The following AHI1 variants were observed in gnomAD, a reference collection of about 807,000 sequenced individuals.
AHI1 encodes jouberin.
In AHI1, 123 loss-of-function variants were observed where a neutral mutation model predicts 149.3. That is an observed-to-expected ratio of 0.82 (90% confidence interval 0.71 to 0.96). The LOEUF (loss-of-function observed/expected upper bound fraction) is 0.96. Among genes scored for constraint, AHI1 ranks in the 40% least tolerant of loss-of-function variants. AHI1 has a pLI of 0.00. For missense variants in AHI1, 1,439 were observed against 1,422.7 expected (o/e 1.01, Z -0.18); for synonymous variants, 475 against 459.8 (o/e 1.03, Z -0.42).
chr6:135,287,750 A>AAATG, intron 28 of AHI1, among the ~76,000 whole-genome samples: 1 of 150,800 alleles, frequency 6.6e-6, no homozygotes, highest in African/African-American at 2.5e-5. Flanking sequence ...ACAAGTATGA[A>AAATG]ACTAGGTTAG....
chr6:135,288,755 C>T (rs1562435644), intron 28 of AHI1, among the ~76,000 whole-genome samples: 1 of 151,884 alleles, frequency 6.6e-6, no homozygotes, highest in Admixed American at 6.6e-5. Flanking sequence ...CTAAATCTCT[C>T]CATGTATACT....
At chr6:135,434,629 T>C (rs1785132659) in intron 15 of AHI1, among the ~76,000 whole-genome samples, 1 of 151,904 alleles carries the variant, frequency 6.6e-6, no homozygotes, top group African/African-American at 2.4e-5. Context: ...AAAACTGAAC[T>C]GGAATCAATG....
At chr6:135,437,316 C>A (rs1481894087) in intron 15 of AHI1, among the ~76,000 whole-genome samples, 1 of 152,158 alleles carries the variant, frequency 6.6e-6, no homozygotes, top group Non-Finnish European at 1.5e-5. Flanking sequence ...ACTTACAAAT[C>A]CAAAGTCACC....
At chr6:135,297,371 G>C (rs969653915) in intron 27 of AHI1, 1 of 454,542 alleles carries the variant, frequency 2.2e-6, no homozygotes, top group African/African-American at 2.0e-5. Flanking sequence ...CTTTAAACTA[G>C]TTCTTTCCCA....
intron 12 of AHI1, among the ~76,000 whole-genome samples, chr6:135,448,070 T>C (rs1008452568): frequency 6.6e-6 from 1 of 152,208 alleles, no homozygotes; most frequent in African/African-American, 2.4e-5. Context: ...AAAATCAAAT[T>C]ATAACAAAAC....
chr6:135,398,731 T>G (rs1263124485), intron 22 of AHI1, among the ~76,000 whole-genome samples: 1 of 152,186 alleles, frequency 6.6e-6, no homozygotes, highest in Non-Finnish European at 1.5e-5. Flanking sequence ...CAGAGAAAAT[T>G]TGGTCTTGAA....
intron 5 of AHI1, among the ~76,000 whole-genome samples, chr6:135,483,032 C>G (rs1562278262): frequency 6.6e-6 from 1 of 151,032 alleles, no homozygotes. Context: ...GCTGGGACTA[C>G]AGCTGCCTGC....
At chr6:135,478,962 A>G (rs1226897457) in intron 5 of AHI1, among the ~76,000 whole-genome samples, 1 of 152,272 alleles carries the variant, frequency 6.6e-6, no homozygotes. Context: ...AGAGGGTGAA[A>G]GCCTCAAGTC....
rs778827027 is a variant in AHI1, at chr6:135,438,356, A to G, written c.2036+19T>C. The G allele has an allele frequency of 6.4e-7, 1 of 1,574,098 alleles. No individual in the cohort carries two copies. Among genetic ancestry groups the G allele is most frequent in the East Asian group, 2.3e-5 (1 of 43,926 alleles). On this transcript the variant is annotated intron_variant, in intron 15 of 28. Coordinates refer to ENST00000265602, the MANE Select transcript of AHI1 (RefSeq NM_001134831.2). ...GACAGCAAACAGCATGCACATAAGT[A>G]CTTCTCAAGGATACTAACCTGGCAG...
At chr6:135,382,928 T>TAAAAA in intron 23 of AHI1, among the ~76,000 whole-genome samples, 1 of 19,838 alleles carries the variant, frequency 5.0e-5, no homozygotes, top group East Asian at 2.1e-3. Flanking sequence ...AAAAAAAAAA[T>TAAAAA]ATATATATAT....
intron 24 of AHI1, among the ~76,000 whole-genome samples, chr6:135,352,631 A>G (rs1288886946): frequency 6.6e-6 from 1 of 151,620 alleles, no homozygotes; most frequent in Non-Finnish European, 1.5e-5. Flanking sequence ...CATTTCATAT[A>G]TTAGGATTTA....
intron 13 of AHI1, among the ~76,000 whole-genome samples, chr6:135,443,903 C>A (rs975242299): frequency 6.6e-6 from 1 of 152,112 alleles, no homozygotes; most frequent in Non-Finnish European, 1.5e-5. Context: ...TGTCAGGAGG[C>A]TTTATAACCA....
At chr6:135,414,519 C>T (rs1782062458) in intron 20 of AHI1, among the ~76,000 whole-genome samples, 1 of 152,106 alleles carries the variant, frequency 6.6e-6, no homozygotes, top group South Asian at 2.1e-4. Flanking sequence ...GGGGGAAATA[C>T]CTGCAAATCA....
chr6:135,478,432 CCCTGCT>C (rs1400100142), intron 5 of AHI1, among the ~76,000 whole-genome samples: 11 of 152,126 alleles, frequency 7.2e-5, no homozygotes, highest in Non-Finnish European at 1.3e-4. Context: ...GGCACTGTGA[CCCTGCT>C]CTAGAGATAT....
chr6:135,455,633 C>CTT, intron 10 of AHI1, 101 bp downstream of exon 10: 15 of 805,332 alleles, frequency 1.9e-5, no homozygotes, highest in Non-Finnish European at 2.2e-5. Flanking sequence ...TCTCACACAA[C>CTT]TTTTTTTTTT....
Position 135,387,897 on chromosome 6 carries a change from G to T in AHI1, c.3109+6879C>A. ...AAATGTGGAGACATTTATCCGAAGA[G>T]AGAAAGTGAACTACCTAACAAAACA... is the stretch of plus-strand genomic sequence containing the variant. On this transcript the variant is annotated intron_variant, in intron 23 of 28. Coordinates refer to ENST00000265602, the MANE Select transcript of AHI1 (RefSeq NM_001134831.2). 7.6e-6 allele frequency: 12 copies of T among 1,580,210 alleles called. No homozygotes were observed. In the South Asian group the frequency reaches 1.4e-4, roughly 19 times the overall value.
chr6:135,309,483 G>GTTTT (rs534230013), intron 26 of AHI1, among the ~76,000 whole-genome samples: 2 of 139,588 alleles, frequency 1.4e-5, no homozygotes, highest in Non-Finnish European at 3.2e-5. Context: ...AAGCACTTTA[G>GTTTT]TTTTTTTTTT....
intron 5 of AHI1, among the ~76,000 whole-genome samples, chr6:135,467,916 A>G (rs1791045482): frequency 3.3e-5 from 5 of 152,212 alleles, no homozygotes; most frequent in African/African-American, 1.2e-4. Context: ...TATGCACCTT[A>G]CATGTTAACA....
chr6:135,291,875 C>G lies in AHI1; in HGVS notation c.3486-1350G>C, dbSNP rs190256868. ...ATTTCCAAGGAATCTATATTCTAGA[C>G]TGATAAGGTGAATAAGGGAAGCAAG... On this transcript the variant is annotated intron_variant, in intron 27 of 28. Coordinates refer to ENST00000265602, the MANE Select transcript of AHI1 (RefSeq NM_001134831.2). 3.3e-5 allele frequency among the ~76,000 whole-genome samples: 5 copies of G among 152,150 alleles called. No homozygotes were observed. In the East Asian group the frequency reaches 9.6e-4, roughly 29 times the overall value.
Sources: gnomAD v4.1 joint callset for allele counts (sites outside exome capture counted in the v4.1 genomes callset) on GRCh38, gnomAD v4.1.1 for gene constraint, MANE v1.5 for transcripts, NCBI Gene and HGNC (gene_info 2026-07-23, HGNC 2026-07-21) for gene names.